Variants in MPZL3 observed in about 807,000 individuals in gnomAD.
The protein encoded by MPZL3 is myelin protein zero-like protein 3.
MPZL3 carries 23 observed loss-of-function variants against 24.8 expected under a neutral mutation model. That is an observed-to-expected ratio of 0.93 (90% CI 0.67 to 1.31). MPZL3 has a LOEUF of 1.31. MPZL3 is among the 40% of genes most tolerant of loss of function. The pLI, the probability that MPZL3 is intolerant of heterozygous loss-of-function variation, is 0.00. For missense variants in MPZL3, 277 were observed against 294.9 expected, an observed-to-expected ratio of 0.94 and a Z score of 0.44; for synonymous variants, 99 against 106.5, an observed-to-expected ratio of 0.93 and a Z score of 0.44.
intron 3 of MPZL3, among the ~76,000 whole-genome samples, chr11:118,236,446 G>A (rs1949427288): frequency 1.3e-5 from 2 of 151,884 alleles, no homozygotes; most frequent in Admixed American, 6.6e-5. Flanking sequence ...AAATGATGAC[G>A]AATCTATAAT....
chr11:118,233,590 A>G, intron 4 of MPZL3, 67 bp from the exon 5 acceptor site: 1 of 1,527,040 alleles, frequency 6.5e-7, no homozygotes, highest in Non-Finnish European at 9.0e-7. Flanking sequence ...AGTTGAAAGT[A>G]CAGGTGTTGA....
At chr11:118,242,277 T>A (rs990261671) in intron 1 of MPZL3, among the ~76,000 whole-genome samples, 1 of 152,174 alleles carries the variant, frequency 6.6e-6, no homozygotes, top group Non-Finnish European at 1.5e-5. Flanking sequence ...CAAGATCTAC[T>A]TCACTGGATC....
Position 118,252,345 on chromosome 11 carries a change from G to C in MPZL3, c.-51C>G, listed in dbSNP as rs769717716. ...CACCTTGTTTACAGCTCCCGGTAAC[G>C]ACACAGGTAACACCGGAAGTGACGT... On this transcript the variant is annotated 5_prime_UTR_variant, in exon 1 of 6. Transcript: ENST00000278949. 5.1e-6 allele frequency: 8 copies of C among 1,574,468 alleles called. No homozygotes were observed. Among genetic ancestry groups the C allele is most frequent in the Non-Finnish European group, 7.0e-6 (8 of 1,146,516 alleles).
chr11:118,229,746 T>C lies in MPZL3; in HGVS notation c.*148A>G. ...CAAGAACATTTATTCAATAAATAAG[T>C]GGTTCCTAAAGTCTTTACTGATGAT... On this transcript the variant is annotated 3_prime_UTR_variant, in exon 6 of 6. Transcript: ENST00000278949. 1.6e-6 allele frequency: 1 copy of C among 615,446 alleles called. No individual in the cohort carries two copies. The highest frequency in any genetic ancestry group is 3.3e-5 in the Admixed American group (1 of 30,412). 38.1% of individuals were successfully genotyped at this position (615,446 alleles called of 1,614,324 possible).
At chr11:118,232,546 T>A (rs969648662) in intron 5 of MPZL3, among the ~76,000 whole-genome samples, 15 of 152,146 alleles carry the variant, frequency 9.9e-5, no homozygotes, top group African/African-American at 3.6e-4. Flanking sequence ...ACAGTACATA[T>A]GGCACGTGAC....
intron 1 of MPZL3, among the ~76,000 whole-genome samples, chr11:118,249,848 A>C (rs918379753): frequency 6.6e-6 from 1 of 152,160 alleles, no homozygotes; most frequent in Non-Finnish European, 1.5e-5. Flanking sequence ...ATCTTTGAAA[A>C]CAAAAGGCAA....
chr11:118,247,138 A>G (rs997644253), intron 1 of MPZL3, among the ~76,000 whole-genome samples: 1 of 152,190 alleles, frequency 6.6e-6, no homozygotes, highest in Non-Finnish European at 1.5e-5. Context: ...TCTCCTGCCA[A>G]TGCCTCCCGT....
intron 1 of MPZL3, among the ~76,000 whole-genome samples, chr11:118,243,748 G>C (rs1949525892): frequency 6.6e-6 from 1 of 151,450 alleles, no homozygotes; most frequent in Admixed American, 6.6e-5. Flanking sequence ...CTCCAGCCTG[G>C]GTGACTGAAC....
chr11:118,241,836 C>G (rs1402613731), intron 1 of MPZL3, among the ~76,000 whole-genome samples: 1 of 152,220 alleles, frequency 6.6e-6, no homozygotes, highest in Non-Finnish European at 1.5e-5. Context: ...TCATAAGAAT[C>G]TGACCCTCCC....
chr11:118,246,450 C>T (rs1949557162), intron 1 of MPZL3, among the ~76,000 whole-genome samples: 2 of 150,816 alleles, frequency 1.3e-5, no homozygotes, highest in Admixed American at 1.3e-4. Flanking sequence ...TTTTTTGATA[C>T]CTACCTTTTC....
At chr11:118,242,155 C>T (rs1168700104) in intron 1 of MPZL3, among the ~76,000 whole-genome samples, 1 of 152,172 alleles carries the variant, frequency 6.6e-6, no homozygotes, top group Non-Finnish European at 1.5e-5. Context: ...TTAGAATTAG[C>T]CAAAGCTGGA....
intron 1 of MPZL3, among the ~76,000 whole-genome samples, chr11:118,246,191 C>T (rs1293447457): frequency 6.6e-6 from 1 of 152,170 alleles, no homozygotes; most frequent in Non-Finnish European, 1.5e-5. Flanking sequence ...AGAGCTCCAG[C>T]CTGAATATAC....
At chr11:118,233,313 A>G (rs1949376990) in intron 5 of MPZL3, 147 bp downstream of exon 5, 9 of 868,534 alleles carry the variant, frequency 1.0e-5, no homozygotes, top group Non-Finnish European at 9.1e-6. Flanking sequence ...CCTGAGTCCA[A>G]AATGCTTTGG....
chr11:118,251,203 A>T (rs1949616746), intron 1 of MPZL3, among the ~76,000 whole-genome samples: 1 of 151,968 alleles, frequency 6.6e-6, no homozygotes, highest in African/African-American at 2.4e-5. Flanking sequence ...TTAGCTTAAA[A>T]ACTGGAGACT....
chr11:118,235,435 C>A lies in MPZL3; in HGVS notation c.606G>T (p.Glu202Asp). ...SRSGYKKSSI[E>D]VSDDTDQEEE... ...CCTGCTGGACTTACTCATCGGAAAC[C>A]TCAATAGATGACTTCTTATAGCCAG... Residue 202 changes from glutamate (E) to aspartate (D), a missense_variant, in exon 4 of 6, where the codon GAG becomes GAT. Physicochemically the swap from Glu to Asp is conservative, Grantham distance 45. Transcript: ENST00000278949. 6.2e-7 allele frequency: 1 copy of A among 1,613,708 alleles called. No homozygotes were observed. Among genetic ancestry groups the A allele is most frequent in the Non-Finnish European group, 8.5e-7 (1 of 1,179,814 alleles).
intron 4 of MPZL3, 82 bp downstream of exon 4, chr11:118,235,342 A>G: frequency 6.8e-7 from 1 of 1,470,968 alleles, no homozygotes; most frequent in Non-Finnish European, 9.2e-7. Flanking sequence ...GGTCCAGAAG[A>G]AAGGAAGGTG....
intron 1 of MPZL3, among the ~76,000 whole-genome samples, chr11:118,241,936 C>T (rs1046136015): frequency 6.6e-6 from 1 of 152,214 alleles, no homozygotes; most frequent in African/African-American, 2.4e-5. Context: ...TTTGCAAATG[C>T]TGTCCCTCTG....
chr11:118,229,633 G>T lies in MPZL3; in HGVS notation c.*261C>A, dbSNP rs542160164. 5 of 369,300 alleles carry T rather than the reference G, an allele frequency of 1.4e-5. No individual in the cohort carries two copies. The highest frequency in any genetic ancestry group is 1.9e-5 in the Non-Finnish European group (4 of 205,536). 22.9% of individuals were successfully genotyped at this position (369,300 alleles called of 1,614,324 possible). A position where few individuals can be genotyped will look rare whatever the true frequency, so the allele number is the denominator to read the frequency against. On this transcript the variant is annotated 3_prime_UTR_variant, in exon 6 of 6. Transcript: ENST00000278949. Reference sequence around the variant, plus strand: ...AAAAGTATCTTTTTGCTCAGGAAAAGAATTTCTTCATTCAATTACAGCATA... The same window carrying T: ...AAAAGTATCTTTTTGCTCAGGAAAATAATTTCTTCATTCAATTACAGCATA...
intron 1 of MPZL3, among the ~76,000 whole-genome samples, chr11:118,244,801 G>C (rs1176303284): frequency 6.6e-6 from 1 of 152,220 alleles, no homozygotes; most frequent in African/African-American, 2.4e-5. Context: ...TTTAGGCTGG[G>C]CGCGGTGGCT....
Sources: allele counts gnomAD v4.1 joint callset (sites outside exome capture counted in the v4.1 genomes callset), GRCh38; gene constraint gnomAD v4.1.1; transcripts MANE v1.5; gene names NCBI Gene and HGNC (gene_info 2026-07-23, HGNC 2026-07-21).